The following RAD51B variants were observed in gnomAD, a reference collection of about 807,000 sequenced individuals.
RAD51B encodes RAD51 paralog B, also known as DNA repair protein RAD51 homolog 2.
In RAD51B, 38 loss-of-function variants were observed where a neutral mutation model predicts 42.2. The observed-to-expected ratio is 0.90, with a 90% CI of 0.70 to 1.18. RAD51B has a LOEUF of 1.18. Ranked by LOEUF, RAD51B falls within the 50% of genes most tolerant of loss-of-function variation. The pLI is 0.00. For synonymous variants in RAD51B, 154 were observed against 145.2 expected (o/e 1.06, Z -0.43); for missense variants, 373 against 400.7 (o/e 0.93, Z 0.59).
intron 8 of RAD51B, among the ~76,000 whole-genome samples, chr14:68,315,121 G>A (rs1003201167): frequency 6.6e-6 from 1 of 152,178 alleles, no homozygotes; most frequent in African/African-American, 2.4e-5. Flanking sequence ...AGCTCCCGAA[G>A]CACTGATCTT....
At chr14:68,305,294 G>A (rs1000064266) in intron 8 of RAD51B, among the ~76,000 whole-genome samples, 1 of 152,216 alleles carries the variant, frequency 6.6e-6, no homozygotes, top group African/African-American at 2.4e-5. Flanking sequence ...CATCTATAAT[G>A]TGAAATGCTT....
intron 8 of RAD51B, among the ~76,000 whole-genome samples, chr14:68,350,080 A>C (rs560798970): frequency 9.2e-5 from 14 of 152,296 alleles, no homozygotes; most frequent in African/African-American, 3.1e-4. Flanking sequence ...AGCTTCCACC[A>C]CATGTTTACA....
At chr14:68,020,970 G>A (rs1199036958) in intron 7 of RAD51B, among the ~76,000 whole-genome samples, 1 of 152,112 alleles carries the variant, frequency 6.6e-6, no homozygotes, top group Non-Finnish European at 1.5e-5. Context: ...AAATAAACAG[G>A]AGTGTTAGTT....
At chr14:68,651,792 A>G (rs1892704919) in intron 11 of RAD51B, among the ~76,000 whole-genome samples, 1 of 152,188 alleles carries the variant, frequency 6.6e-6, no homozygotes, top group Admixed American at 6.5e-5. Flanking sequence ...TCGGCAATGT[A>G]TACAAATTCC....
chr14:68,646,289 A>C (rs1213126743), intron 10 of RAD51B, among the ~76,000 whole-genome samples: 1 of 152,138 alleles, frequency 6.6e-6, no homozygotes, highest in Non-Finnish European at 1.5e-5. Flanking sequence ...GAATAAACAA[A>C]AGTTTGCTTC....
intron 7 of RAD51B, among the ~76,000 whole-genome samples, chr14:68,264,278 C>G (rs187471595): frequency 6.6e-6 from 1 of 152,304 alleles, no homozygotes; most frequent in African/African-American, 2.4e-5. Context: ...TTTGGGACTA[C>G]TCTAAAGGAA....
chr14:68,288,340 C>A (rs1440557063), intron 7 of RAD51B, among the ~76,000 whole-genome samples: 1 of 152,138 alleles, frequency 6.6e-6, no homozygotes. Context: ...ATTAGCAAAG[C>A]CCTGAGTTTG....
At position 67,918,418 on chromosome 14, in the gene RAD51B, A is replaced by G. The variant is rs145655943; in HGVS notation, c.756+31214A>G. On this transcript the variant is annotated intron_variant, in intron 7 of 10. Coordinates refer to ENST00000471583, the MANE Select transcript of RAD51B (RefSeq NM_133510.4). ...CCCGGCTAATTTTTGTATTTTTAGT[A>G]GAGACAGGGTTTCACCATGTTGGCC... Among the ~76,000 whole-genome samples the G allele has an allele frequency of 7.0e-3, 1,068 of 152,246 alleles. 30 individuals are homozygous for G. The highest frequency in any genetic ancestry group is 0.054 in the Admixed American group (829 of 15,284).
chr14:68,067,492 A>G (rs918856230), intron 7 of RAD51B, among the ~76,000 whole-genome samples: 2 of 150,476 alleles, frequency 1.3e-5, no homozygotes, highest in Non-Finnish European at 1.5e-5. Flanking sequence ...AAAAAAAAAC[A>G]GGAAAAGAAA....
chr14:67,981,139 C>G (rs760056364), intron 7 of RAD51B, among the ~76,000 whole-genome samples: 5 of 151,982 alleles, frequency 3.3e-5, no homozygotes, highest in Admixed American at 6.6e-5. Flanking sequence ...TGCCTGAGCC[C>G]AGAAGTTCGA....
At chr14:67,869,346 A>G (rs2140002911) in intron 5 of RAD51B, among the ~76,000 whole-genome samples, 1 of 152,362 alleles carries the variant, frequency 6.6e-6, no homozygotes, top group Non-Finnish European at 1.5e-5. Context: ...GCGATGGAAG[A>G]TGAAAGGAAT....
intron 7 of RAD51B, among the ~76,000 whole-genome samples, chr14:68,183,986 G>A (rs954561405): frequency 1.6e-3 from 9 of 5,562 alleles, no homozygotes; most frequent in Non-Finnish European, 1.0e-3. Flanking sequence ...CAGCTACTCG[G>A]GGGGGGTGAG....
chr14:68,222,912 A>T (rs554590704), intron 7 of RAD51B, among the ~76,000 whole-genome samples: 8 of 152,212 alleles, frequency 5.3e-5, no homozygotes, highest in African/African-American at 1.9e-4. Context: ...GCTCTCATTT[A>T]TTCCTGCGGA....
At chr14:68,596,080 T>C, downstream of RAD51B, 1 of 1,023,798 alleles carries the variant, frequency 9.8e-7, no homozygotes, top group Non-Finnish European at 1.2e-6. Context: ...ATCCCATGTC[T>C]ATTCTCCATT....
intron 7 of RAD51B, among the ~76,000 whole-genome samples, chr14:68,280,426 G>A (rs568172247): frequency 3.3e-5 from 5 of 152,252 alleles, no homozygotes; most frequent in South Asian, 2.1e-4. Context: ...CCAGGTCTGC[G>A]TCTGGTGCTC....
chr14:68,030,709 A>G (rs527634096), intron 7 of RAD51B, among the ~76,000 whole-genome samples: 25 of 152,326 alleles, frequency 1.6e-4, no homozygotes, highest in Middle Eastern at 3.4e-3. Context: ...ATTTCCCTTA[A>G]GAACTTTTCA....
intron 7 of RAD51B, among the ~76,000 whole-genome samples, chr14:68,272,651 ATATATATATATATATTTTTTTTTTTTT>A (rs1744205925): frequency 7.3e-5 from 1 of 13,716 alleles, no homozygotes; most frequent in Non-Finnish European, 1.3e-4. Flanking sequence ...ATATATATAT[ATATATATATATATATTTTTTTTTTTTT>A]TTTTTTTTTT....
chr14:68,179,494 G>C (rs78362930), intron 7 of RAD51B, among the ~76,000 whole-genome samples: 2,195 of 152,208 alleles, frequency 0.014, 58 homozygotes, highest in African/African-American at 0.05. Context: ...TCTAAATACA[G>C]AATATTAAAA....
intron 4 of RAD51B, among the ~76,000 whole-genome samples, chr14:67,859,884 G>A (rs1022331836): frequency 6.6e-6 from 1 of 151,952 alleles, no homozygotes; most frequent in Non-Finnish European, 1.5e-5. Context: ...GCAATGACGC[G>A]ATCTCGGCTC....
Sources: gnomAD v4.1 joint callset for allele counts (sites outside exome capture counted in the v4.1 genomes callset) on GRCh38, gnomAD v4.1.1 for gene constraint, MANE v1.5 for transcripts, NCBI Gene and HGNC (gene_info 2026-07-23, HGNC 2026-07-21) for gene names.